ARHGEF10L: variants seen among roughly 807,000 people sequenced by gnomAD.
ARHGEF10L encodes the protein Rho guanine nucleotide exchange factor 10 like.
A neutral mutation model predicts 141.2 loss-of-function variants in ARHGEF10L; 69 were observed. That is an observed-to-expected ratio of 0.49 (90% CI 0.40 to 0.60). The LOEUF is 0.60. Ranked by LOEUF, ARHGEF10L falls within the 20% of genes least tolerant of loss-of-function variation. ARHGEF10L has a pLI of 0.00. For missense variants in ARHGEF10L, 1,482 were observed against 1,734.3 expected, an observed-to-expected ratio of 0.85 and a Z score of 2.58; for synonymous variants, 711 against 718.5, an observed-to-expected ratio of 0.99 and a Z score of 0.17.
At chr1:17,624,300 G>A in intron 12 of ARHGEF10L, 87 bp from the exon 13 acceptor site, 1 of 1,026,212 alleles carries the variant, frequency 9.7e-7, no homozygotes, top group Non-Finnish European at 1.5e-6. Context: ...CCTGCCTTGA[G>A]GCGGCCTCCC....
chr1:17,616,842 C>T (rs1268305747), intron 9 of ARHGEF10L, among the ~76,000 whole-genome samples: 7 of 152,298 alleles, frequency 4.6e-5, no homozygotes, highest in South Asian at 2.1e-4. Flanking sequence ...GGAAGAGGAG[C>T]GAGCGGGTGT....
chr1:17,624,389 T>TTCCAAGTCCATGG lies in ARHGEF10L; in HGVS notation c.1205_1217dup (p.Leu407GlnfsTer10). The TTCCAAGTCCATGG allele has an allele frequency of 6.2e-7, 1 of 1,613,738 alleles. No homozygotes were observed. The highest frequency in any genetic ancestry group is 8.5e-7 in the Non-Finnish European group (1 of 1,179,644). ...GGCCCACACCTGCCTTGTTTCAGTT[T>TTCCAAGTCCATGG]TCCAAGTCCATGGTGCTAGATGTGT... is the stretch of plus-strand genomic sequence containing the variant. On this transcript the variant is annotated frameshift_variant, in exon 13 of 29. Transcript: ENST00000361221. LOFTEE classifies it high-confidence loss of function.
At chr1:17,648,047 A>T (rs2061698658) in intron 21 of ARHGEF10L, among the ~76,000 whole-genome samples, 1 of 152,122 alleles carries the variant, frequency 6.6e-6, no homozygotes, top group South Asian at 2.1e-4. Flanking sequence ...CTGCATTTCC[A>T]TCACCACCAT....
chr1:17,645,234 C>A (rs2061529239), intron 21 of ARHGEF10L, among the ~76,000 whole-genome samples: 1 of 152,166 alleles, frequency 6.6e-6, no homozygotes, highest in African/African-American at 2.4e-5. Context: ...TCAGCGACAG[C>A]AGTCTTCTAA....
Position 17,649,089 on chromosome 1 carries a change from G to A in ARHGEF10L, c.2394+414G>A, listed in dbSNP as rs375382777. ...ATGCTCCAGCGCCATCAGGCCTCCCGTGTATTGAGCACCTGCTGTGCCCCC... is the reference window on the plus strand; with the variant it reads ...ATGCTCCAGCGCCATCAGGCCTCCCATGTATTGAGCACCTGCTGTGCCCCC... On this transcript the variant is annotated intron_variant, in intron 22 of 28. Transcript: ENST00000361221. Among the ~76,000 whole-genome samples, 31 of 152,296 alleles carry A rather than the reference G, an allele frequency of 2.0e-4. 1 individual carries two copies. The East Asian group carries it at 3.5e-3, about 17-fold the overall frequency.
chr1:17,582,945 G>C (rs1258992938), intron 2 of ARHGEF10L, among the ~76,000 whole-genome samples: 1 of 152,068 alleles, frequency 6.6e-6, no homozygotes, highest in Non-Finnish European at 1.5e-5. Context: ...AGGAGGTGCA[G>C]GCCAGGCACA....
intron 7 of ARHGEF10L, among the ~76,000 whole-genome samples, chr1:17,611,896 A>G (rs552584847): frequency 2.2e-4 from 33 of 152,152 alleles, no homozygotes; most frequent in Non-Finnish European, 3.7e-4. Flanking sequence ...TACTTTACCA[A>G]ATATCACTGT....
At chr1:17,519,821 C>A in the ARHGEF10L span, among the ~76,000 whole-genome samples, 1 of 150,734 alleles carries the variant, frequency 6.6e-6, no homozygotes, top group Non-Finnish European at 1.5e-5. Context: ...CCAGCCTGGG[C>A]GATGACCAGA....
the ARHGEF10L span, among the ~76,000 whole-genome samples, chr1:17,531,183 G>A: frequency 3.9e-5 from 6 of 152,174 alleles, no homozygotes; most frequent in Admixed American, 3.3e-4. Context: ...CAGAGGAGGA[G>A]TGGGGTGAAA....
Position 17,607,644 on chromosome 1 carries a change from C to T in ARHGEF10L, c.434-158C>T, listed in dbSNP as rs147775582. ...GAGGGGGAAAATGTATTATCATCTT[C>T]GTTTCATGGTTGAGGAGGTAGAGCT... On this transcript the variant is annotated intron_variant, in intron 6 of 28. Coordinates refer to ENST00000361221, the MANE Select transcript of ARHGEF10L (RefSeq NM_018125.4). The surrounding 1 kb of genome is among the most constrained non-coding windows in gnomAD (Gnocchi z 4.5). Among the ~76,000 whole-genome samples, 571 of 152,340 alleles carry T rather than the reference C, an allele frequency of 3.7e-3. 2 individuals are homozygous for T. The highest frequency in any genetic ancestry group is 0.013 in the African/African-American group (531 of 41,578).
the ARHGEF10L span, among the ~76,000 whole-genome samples, chr1:17,534,369 CA>C: frequency 6.6e-6 from 1 of 152,136 alleles, no homozygotes; most frequent in African/African-American, 2.4e-5. Flanking sequence ...TGATCTGCCC[CA>C]CCTCGGCCTC....
Position 17,654,844 on chromosome 1 carries a change from C to A in ARHGEF10L, c.2481+122C>A. 2 of 943,664 alleles carry A rather than the reference C, an allele frequency of 2.1e-6. No individual in the cohort carries two copies. The highest frequency in any genetic ancestry group is 3.4e-6 in the Non-Finnish European group (2 of 593,636). 58.5% of individuals were successfully genotyped at this position (943,664 alleles called of 1,614,324 possible). A position where few individuals can be genotyped will look rare whatever the true frequency, so the allele number is the denominator to read the frequency against. ...CCTCATCTCATGCAGCTTCATCCAC[C>A]AAGGTCTTCCTGGGCACCTCTGGTG... On this transcript the variant is annotated intron_variant, in intron 23 of 28. Transcript: ENST00000361221. This position sits in a 1 kb window ranked among gnomAD's most constrained non-coding sequence, Gnocchi z 4.3.
rs1386166198 is a variant in ARHGEF10L at position 17,673,269 on chromosome 1, G to A, written c.3009+8674G>A. Among the ~76,000 whole-genome samples, 3 of 152,040 alleles carry A rather than the reference G, an allele frequency of 2.0e-5. No individual in the cohort carries two copies. The highest frequency in any genetic ancestry group is 4.4e-5 in the Non-Finnish European group (3 of 68,002). On this transcript the variant is annotated intron_variant, in intron 26 of 28. Coordinates refer to ENST00000361221, the MANE Select transcript of ARHGEF10L (RefSeq NM_018125.4). This position sits in a 1 kb window ranked among gnomAD's most constrained non-coding sequence, Gnocchi z 4.1. ...CCCCAGTCTTAGCTGGTAGCAGCCAGCCCCCGATCCTCGCCTCCCCTCCAC... is the reference window on the plus strand; with the variant it reads ...CCCCAGTCTTAGCTGGTAGCAGCCAACCCCCGATCCTCGCCTCCCCTCCAC...
chr1:17,614,318 A>G (rs530126835), intron 8 of ARHGEF10L, among the ~76,000 whole-genome samples: 5 of 152,340 alleles, frequency 3.3e-5, no homozygotes, highest in Admixed American at 1.3e-4. Flanking sequence ...CAAGGCTTAG[A>G]GAGGTGCCCA....
chr1:17,655,906 G>T lies in ARHGEF10L; in HGVS notation c.2509G>T (p.Gly837Cys). 1 of 1,555,656 alleles carries T rather than the reference G, an allele frequency of 6.4e-7. No homozygotes were observed. The highest frequency in any genetic ancestry group is 8.7e-7 in the Non-Finnish European group (1 of 1,149,524). Residue 837 changes from glycine to cysteine, a missense_variant, in exon 24 of 29, where the codon GGC becomes TGC. Gly to Cys is a radical substitution (Grantham distance 159). Transcript: ENST00000361221. Reference protein sequence around the residue: ...WVGGGQEGAGGQVEIFSLNRP... With the variant: ...WVGGGQEGAGCQVEIFSLNRP... ...CGGGGGCGGACAGGAAGGCGCAGGG[G>T]GCCAGGTGGAAATCTTTTCCTTGAA...
intron 28 of ARHGEF10L, among the ~76,000 whole-genome samples, chr1:17,695,661 A>T (rs931288222): frequency 1.4e-4 from 21 of 152,224 alleles, no homozygotes; most frequent in African/African-American, 5.1e-4. Context: ...CGTGGGGTCC[A>T]TGTGCAAATG....
Position 17,619,691 on chromosome 1 carries a change from C to T in ARHGEF10L, c.942+246C>T, listed in dbSNP as rs183965177. Among the ~76,000 whole-genome samples, 39 of 152,262 alleles carry T rather than the reference C, an allele frequency of 2.6e-4. No individual in the cohort carries two copies. In the South Asian group the frequency reaches 2.9e-3, roughly 11 times the overall value. On this transcript the variant is annotated intron_variant, in intron 10 of 28. Transcript: ENST00000361221. This position sits in a 1 kb window ranked among gnomAD's most constrained non-coding sequence, Gnocchi z 5.0. ...GGGGGTGGGCTCCCGGCATCTAGAACGCTTGCGTCCCCCAACTCCATGGCA... is the reference window on the plus strand; with the variant it reads ...GGGGGTGGGCTCCCGGCATCTAGAATGCTTGCGTCCCCCAACTCCATGGCA...
intron 26 of ARHGEF10L, among the ~76,000 whole-genome samples, chr1:17,671,787 A>G (rs2063338329): frequency 6.6e-6 from 1 of 152,232 alleles, no homozygotes; most frequent in African/African-American, 2.4e-5. Flanking sequence ...GGGATTAACC[A>G]GACTGAAGCT....
intron 15 of ARHGEF10L, among the ~76,000 whole-genome samples, chr1:17,632,092 G>T (rs573160926): frequency 6.6e-6 from 1 of 152,182 alleles, no homozygotes; most frequent in African/African-American, 2.4e-5. Flanking sequence ...ACGGGTGCTG[G>T]TGAATGCTCA....
Sources: gnomAD v4.1 joint callset for allele counts (sites outside exome capture counted in the v4.1 genomes callset) on GRCh38, gnomAD v4.1.1 for gene constraint, Gnocchi (gnomAD v3.1) non-coding constraint, MANE v1.5 for transcripts, NCBI Gene and HGNC (gene_info 2026-07-23, HGNC 2026-07-21) for gene names.